INTS11: variants seen among roughly 807,000 people sequenced by gnomAD.
The protein encoded by INTS11 is integrator complex subunit 11, also known as CPSF3-like protein.
INTS11 carries 77 observed loss-of-function variants against 78.6 expected under a neutral mutation model. That is an observed-to-expected ratio of 0.98 (90% CI 0.81 to 1.18). The LOEUF is 1.18. Ranked by LOEUF, INTS11 falls within the 50% of genes most tolerant of loss-of-function variation. The pLI, the probability that INTS11 is intolerant of heterozygous loss-of-function variation, is 0.00. For synonymous variants in INTS11, 441 were observed against 326.9 expected (o/e 1.35, Z -3.77); for missense variants, 875 against 825.9 (o/e 1.06, Z -0.73).
rs1642175809 is a variant in INTS11, at chr1:1,311,778, G to A, written c.*81C>T. The A allele has an allele frequency of 7.2e-7, 1 of 1,397,622 alleles. No homozygotes were observed. The allele number at this position is 1,397,622 out of a possible 1,614,324, so 86.6% of individuals were successfully genotyped here. A position where few individuals can be genotyped will look rare whatever the true frequency, so the allele number is the denominator to read the frequency against. ...GACCTGCAGGGTCTGTTCACCCAGG[G>A]CACCCACAGTCCTGAAGTGCAGGCC... is the stretch of plus-strand genomic sequence containing the variant. On this transcript the variant is annotated 3_prime_UTR_variant, in exon 17 of 17. Transcript: ENST00000435064.
rs565624740 is a variant in INTS11, at chr1:1,314,477, A to C, written c.703-112T>G. The C allele has an allele frequency of 8.2e-5, 77 of 942,076 alleles. 2 individuals carry two copies. The African/African-American group carries it at 1.2e-3, about 14-fold the overall frequency. 58.4% of individuals were successfully genotyped at this position (942,076 alleles called of 1,614,324 possible). On this transcript the variant is annotated intron_variant, in intron 7 of 16. Coordinates refer to ENST00000435064, the MANE Select transcript of INTS11 (RefSeq NM_017871.6). This position sits in a 1 kb window ranked among gnomAD's most constrained non-coding sequence, Gnocchi z 4.2. The stretch of plus-strand genomic sequence containing the variant: ...AGAGCTGCGGCCTCATAGGGACCTT[A>C]GCCTCTCATCTGCTCCCAGTCCCGT...
Position 1,312,213 on chromosome 1 carries a change from G to GCCGGGCGCCCCCC in INTS11, c.1607+12_1607+13insGGGGGGCGCCCGG. 1 of 934,622 alleles carries GCCGGGCGCCCCCC rather than the reference G, an allele frequency of 1.1e-6. No individual in the cohort carries two copies. The highest frequency in any genetic ancestry group is 1.6e-6 in the Non-Finnish European group (1 of 636,678). The allele number at this position is 934,622 out of a possible 1,614,324, so 57.9% of individuals were successfully genotyped here. A position where few individuals can be genotyped will look rare whatever the true frequency, so the allele number is the denominator to read the frequency against. On this transcript the variant is annotated intron_variant, in intron 15 of 16. Coordinates refer to ENST00000435064, the MANE Select transcript of INTS11 (RefSeq NM_017871.6). Reference sequence around the variant, plus strand: ...CCCAAGGGAGTGGGGGGGGGGCGGGGCCGGGCGCCCACCTCTTGAGGTGGC... The same window carrying GCCGGGCGCCCCCC: ...CCCAAGGGAGTGGGGGGGGGGCGGGGCCGGGCGCCCCCCCCGGGCGCCCACCTCTTGAGGTGGC...
At chr1:1,323,273 G>A in intron 1 of INTS11, 1 of 1,550,208 alleles carries the variant, frequency 6.5e-7, no homozygotes, top group Non-Finnish European at 8.7e-7. Context: ...TTCCAGGACA[G>A]CACAGGGCAG....
rs1207886089 is a variant in INTS11 at position 1,314,711 on chromosome 1, A to G, written c.702+113T>C. ...AAATCTTCTTCCCTCCCTGCCTGAA[A>G]ATGCAGTACCCCCCACCCTGAGACC... On this transcript the variant is annotated intron_variant, in intron 7 of 16. Transcript: ENST00000435064. The surrounding 1 kb of genome is among the most constrained non-coding windows in gnomAD (Gnocchi z 4.2). The G allele has an allele frequency of 7.1e-6, 9 of 1,269,722 alleles. No homozygotes were observed. In the Admixed American group the frequency reaches 1.8e-4, roughly 25 times the overall value. 78.7% of individuals were successfully genotyped at this position (1,269,722 alleles called of 1,614,324 possible).
chr1:1,317,469 C>A, intron 4 of INTS11: 2 of 977,474 alleles, frequency 2.0e-6, no homozygotes, highest in Non-Finnish European at 2.4e-6. Flanking sequence ...GAAGAGAATC[C>A]ATGAACTGAA....
intron 6 of INTS11, 119 bp from the exon 7 acceptor site, chr1:1,315,081 G>A: frequency 4.7e-6 from 6 of 1,275,872 alleles, no homozygotes; most frequent in South Asian, 1.4e-5. Context: ...ACTCTGGCTG[G>A]AAAGAGCCAG....
Position 1,314,912 on chromosome 1 carries a change from G to A in INTS11, c.614C>T (p.Thr205Met), listed in dbSNP as rs997507615. The A allele has an allele frequency of 8.7e-6, 14 of 1,612,970 alleles. No homozygotes were observed. The highest frequency in any genetic ancestry group is 5.3e-5 in the African/African-American group (4 of 74,920). Reference protein sequence around the residue: ...CRPNLLITESTYATTIRDSKR... With the variant: ...CRPNLLITESMYATTIRDSKR... ...GGAGTCACGGATGGTCGTGGCGTAC[G>A]TGGACTCTGTGATGAGCAGGTTGGG... Residue 205 changes from threonine (T) to methionine (M), a missense_variant, in exon 7 of 17, where the codon ACG becomes ATG. Coordinates refer to ENST00000435064, the MANE Select transcript of INTS11 (RefSeq NM_017871.6). This position sits in a 1 kb window ranked among gnomAD's most constrained non-coding sequence, Gnocchi z 4.2.
rs1287764465 is a variant in INTS11, at chr1:1,317,586, G to A, written c.429+1710C>T. 5.2e-5 allele frequency: 12 copies of A among 229,484 alleles called. No individual in the cohort carries two copies. In the South Asian group the frequency reaches 1.7e-3, roughly 33 times the overall value. The allele number at this position is 229,484 out of a possible 1,614,324, so 14.2% of individuals were successfully genotyped here. ...GGGGTCCCTGGAGGAGCAGGAACGG[G>A]GCAGAAACAACACTGGAAGAAACAT... On this transcript the variant is annotated intron_variant, in intron 4 of 16. Coordinates refer to ENST00000435064, the MANE Select transcript of INTS11 (RefSeq NM_017871.6).
In INTS11 at chr1:1,314,599, T is replaced by C; in HGVS notation, c.702+225A>G. On this transcript the variant is annotated intron_variant, in intron 7 of 16. Coordinates refer to ENST00000435064, the MANE Select transcript of INTS11 (RefSeq NM_017871.6). This position sits in a 1 kb window ranked among gnomAD's most constrained non-coding sequence, Gnocchi z 4.2. ...AGCTGCATGAGAGACAGAAGGAGCCTGGCCAGGGCTTCGTCCGCACCTGAG... is the reference window on the plus strand; with the variant it reads ...AGCTGCATGAGAGACAGAAGGAGCCCGGCCAGGGCTTCGTCCGCACCTGAG... The C allele has an allele frequency of 3.1e-6, 2 of 646,860 alleles. No homozygotes were observed. Among genetic ancestry groups the C allele is most frequent in the East Asian group, 2.8e-5 (1 of 36,042 alleles). 40.1% of individuals were successfully genotyped at this position (646,860 alleles called of 1,614,324 possible).
At chr1:1,323,034 G>T in intron 1 of INTS11, 1 of 1,414,728 alleles carries the variant, frequency 7.1e-7, no homozygotes, top group Non-Finnish European at 9.3e-7. Context: ...CAGGCTGGGA[G>T]GACCCCACGG....
intron 1 of INTS11, among the ~76,000 whole-genome samples, chr1:1,322,350 G>A (rs1051170470): frequency 1.3e-5 from 2 of 151,082 alleles, no homozygotes; most frequent in Admixed American, 1.3e-4. Context: ...TACACGAGGG[G>A]ACAGGGCTCA....
chr1:1,315,546 C>T lies in INTS11; in HGVS notation c.502G>A (p.Val168Met), dbSNP rs147060731. 13 of 1,612,804 alleles carry T rather than the reference C, an allele frequency of 8.1e-6. No individual in the cohort carries two copies. The highest frequency in any genetic ancestry group is 1.0e-5 in the Non-Finnish European group (12 of 1,179,870). ...VLGAAMFQIKVGSESVVYTGD... is the reference protein window; with the variant it reads ...VLGAAMFQIKMGSESVVYTGD... The stretch of plus-strand genomic sequence containing the variant: ...GTGTAGACCACAGACTCTGAGCCCA[C>T]TTTAATCTGGAACATGGCTGCCCCC... The change falls in exon 5 of 17, where the codon GTG (valine) becomes ATG (methionine). Residue 168 changes from valine to methionine, a missense_variant. Coordinates refer to ENST00000435064, the MANE Select transcript of INTS11 (RefSeq NM_017871.6).
chr1:1,321,734 C>G (rs1642958570), intron 1 of INTS11, among the ~76,000 whole-genome samples: 1 of 152,248 alleles, frequency 6.6e-6, no homozygotes, highest in East Asian at 1.9e-4. Context: ...ACACTCCTGA[C>G]AGCCAAGCAG....
chr1:1,314,469 G>C lies in INTS11; in HGVS notation c.703-104C>G. 9.7e-7 allele frequency: 1 copy of C among 1,031,146 alleles called. No homozygotes were observed. Among genetic ancestry groups the C allele is most frequent in the African/African-American group, 1.6e-5 (1 of 61,948 alleles). The allele number at this position is 1,031,146 out of a possible 1,614,324, so 63.9% of individuals were successfully genotyped here. A position where few individuals can be genotyped will look rare whatever the true frequency, so the allele number is the denominator to read the frequency against. ...GGTGCCCAAGAGCTGCGGCCTCATA[G>C]GGACCTTAGCCTCTCATCTGCTCCC... is the stretch of plus-strand genomic sequence containing the variant. On this transcript the variant is annotated intron_variant, in intron 7 of 16. Transcript: ENST00000435064. The surrounding 1 kb of genome is among the most constrained non-coding windows in gnomAD (Gnocchi z 4.2).
At chr1:1,318,121 C>T (rs1011694823) in intron 4 of INTS11, among the ~76,000 whole-genome samples, 5 of 152,082 alleles carry the variant, frequency 3.3e-5, no homozygotes, top group East Asian at 1.9e-4. Context: ...CCGCCTGTCT[C>T]GGCCTCCCAA....
intron 16 of INTS11, 30 bp from the exon 17 acceptor site, chr1:1,311,954 G>A: frequency 1.3e-6 from 2 of 1,592,872 alleles, no homozygotes; most frequent in Non-Finnish European, 1.7e-6. Flanking sequence ...ATTGTGGGTG[G>A]TGCAGGACAG....
Position 1,314,414 on chromosome 1 carries a change from A to G in INTS11, c.703-49T>C. 1.3e-6 allele frequency: 2 copies of G among 1,535,382 alleles called. No homozygotes were observed. The highest frequency in any genetic ancestry group is 1.8e-6 in the Non-Finnish European group (2 of 1,127,882). On this transcript the variant is annotated intron_variant, in intron 7 of 16. Coordinates refer to ENST00000435064, the MANE Select transcript of INTS11 (RefSeq NM_017871.6). This position sits in a 1 kb window ranked among gnomAD's most constrained non-coding sequence, Gnocchi z 4.2. Reference sequence around the variant, plus strand: ...CCCTGGGCACATGGCCCCTCGACACAGCAGGCAGCGTCCAGTGAGGGCACG... The same window carrying G: ...CCCTGGGCACATGGCCCCTCGACACGGCAGGCAGCGTCCAGTGAGGGCACG...
rs1643228179 is a variant in INTS11 at position 1,324,601 on chromosome 1, T to TC, written c.7dup (p.Glu3GlyfsTer39). 1.3e-6 allele frequency: 2 copies of TC among 1,598,374 alleles called. No homozygotes were observed. Among genetic ancestry groups the TC allele is most frequent in the South Asian group, 2.2e-5 (2 of 89,282 alleles). On this transcript the variant is annotated frameshift_variant, in exon 1 of 17. Coordinates refer to ENST00000435064, the MANE Select transcript of INTS11 (RefSeq NM_017871.6). LOFTEE classifies it high-confidence loss of function. ...CTCACCCAAGGGCGTGACTCTGATCTCAGGCATCGTCTCCGCCGCGCTCCC... is the reference window on the plus strand; with the variant it reads ...CTCACCCAAGGGCGTGACTCTGATCTCCAGGCATCGTCTCCGCCGCGCTCCC...
chr1:1,321,435 C>T (rs987268144), intron 1 of INTS11, among the ~76,000 whole-genome samples: 7 of 152,264 alleles, frequency 4.6e-5, no homozygotes, highest in Non-Finnish European at 7.3e-5. Context: ...GTGGGGCCAA[C>T]ACCTCGGTCA....
Sources: gnomAD v4.1 joint callset for allele counts (sites outside exome capture counted in the v4.1 genomes callset) on GRCh38, gnomAD v4.1.1 for gene constraint, Gnocchi (gnomAD v3.1) non-coding constraint, MANE v1.5 for transcripts, NCBI Gene and HGNC (gene_info 2026-07-23, HGNC 2026-07-21) for gene names.